COMMD1: variants seen among roughly 807,000 people sequenced by gnomAD.
The protein encoded by COMMD1 is COMM domain-containing protein 1.
In COMMD1, 10 loss-of-function variants were observed where a neutral mutation model predicts 17.2. That is an observed-to-expected ratio of 0.58 (90% CI 0.36 to 0.99). COMMD1 has a LOEUF of 0.99. Among genes scored for constraint, COMMD1 ranks in the 50% least tolerant of loss-of-function variants. The pLI is 0.01. For missense variants in COMMD1, 270 were observed against 231.8 expected (o/e 1.17, Z -1.07); for synonymous variants, 97 against 91.6 (o/e 1.06, Z -0.34).
chr2:62,032,761 C>T (rs1283519420), intron 2 of COMMD1, among the ~76,000 whole-genome samples: 2 of 151,842 alleles, frequency 1.3e-5, no homozygotes, highest in Admixed American at 6.6e-5. Flanking sequence ...TTCACTCCTT[C>T]CTTCCTTCAT....
intron 2 of COMMD1, among the ~76,000 whole-genome samples, chr2:62,124,613 C>T (rs1412568838): frequency 2.0e-5 from 3 of 151,966 alleles, no homozygotes; most frequent in African/African-American, 7.2e-5. Context: ...GTAGTGGTAC[C>T]ATCTCAGCTC....
intron 1 of COMMD1, among the ~76,000 whole-genome samples, chr2:61,972,448 G>C (rs761287307): frequency 6.6e-6 from 1 of 152,156 alleles, no homozygotes; most frequent in Non-Finnish European, 1.5e-5. Flanking sequence ...TTATGGGTGA[G>C]TTGTGTGTAA....
At chr2:62,083,167 G>A (rs34130413) in intron 2 of COMMD1, among the ~76,000 whole-genome samples, 21,125 of 152,158 alleles carry the variant, frequency 0.14, 1,590 homozygotes, top group East Asian at 0.21. Context: ...AATGCCTAAC[G>A]TGGGAGGTTT....
intron 1 of COMMD1, among the ~76,000 whole-genome samples, chr2:61,940,873 A>G (rs1670727328): frequency 6.6e-6 from 1 of 150,974 alleles, no homozygotes; most frequent in Admixed American, 6.6e-5. Context: ...ATATATTAGT[A>G]GAGATGGGGT....
At chr2:62,071,438 T>G (rs1232226320) in intron 2 of COMMD1, among the ~76,000 whole-genome samples, 1 of 152,230 alleles carries the variant, frequency 6.6e-6, no homozygotes, top group African/African-American at 2.4e-5. Flanking sequence ...GCCAACTTTT[T>G]ATTTCATCTC....
intron 2 of COMMD1, among the ~76,000 whole-genome samples, chr2:62,039,819 A>G (rs578042804): frequency 1.3e-5 from 2 of 152,374 alleles, no homozygotes; most frequent in Admixed American, 1.3e-4. Context: ...CTTAGAACCA[A>G]GAATTCCATA....
At chr2:62,065,635 T>C (rs1671017648) in intron 2 of COMMD1, among the ~76,000 whole-genome samples, 1 of 152,162 alleles carries the variant, frequency 6.6e-6, no homozygotes, top group Non-Finnish European at 1.5e-5. Flanking sequence ...ATATACTTAC[T>C]TTAAAGGTAA....
chr2:61,949,144 C>G (rs1053795909), intron 1 of COMMD1, among the ~76,000 whole-genome samples: 5 of 152,154 alleles, frequency 3.3e-5, no homozygotes, highest in Non-Finnish European at 7.3e-5. Flanking sequence ...CATTGAAGTT[C>G]TAAATTATGC....
At chr2:61,906,746 GAAAAA>G (rs894194486) in intron 1 of COMMD1, among the ~76,000 whole-genome samples, 2 of 149,392 alleles carry the variant, frequency 1.3e-5, no homozygotes, top group African/African-American at 4.9e-5. Flanking sequence ...TTTGTTTCTT[GAAAAA>G]AAAACCTTAT....
chr2:62,071,191 G>T (rs561074913), intron 2 of COMMD1, among the ~76,000 whole-genome samples: 1 of 152,290 alleles, frequency 6.6e-6, no homozygotes, highest in East Asian at 1.9e-4. Flanking sequence ...GGAACTGAGG[G>T]TTCCTCCCCC....
At chr2:61,944,678 C>T (rs1294215440) in intron 1 of COMMD1, among the ~76,000 whole-genome samples, 2 of 152,150 alleles carry the variant, frequency 1.3e-5, no homozygotes, top group Non-Finnish European at 2.9e-5. Flanking sequence ...AAGTCAGAGT[C>T]AGGTAGTGCA....
upstream of COMMD1, among the ~76,000 whole-genome samples, chr2:61,902,248 C>G (rs1020851785): frequency 1.2e-4 from 18 of 151,926 alleles, no homozygotes; most frequent in African/African-American, 4.4e-4. Flanking sequence ...TGGCTCACGC[C>G]TGTAATCCCA....
chr2:61,941,947 A>G (rs1191889025), intron 1 of COMMD1, among the ~76,000 whole-genome samples: 1 of 152,144 alleles, frequency 6.6e-6, no homozygotes, highest in Non-Finnish European at 1.5e-5. Context: ...CTTGGTAACC[A>G]CAGGCCTCAG....
chr2:61,923,042 TCTAGC>T (rs2105196180), intron 1 of COMMD1, among the ~76,000 whole-genome samples: 1 of 152,348 alleles, frequency 6.6e-6, no homozygotes, highest in Admixed American at 6.5e-5. Flanking sequence ...TTTCAAGATA[TCTAGC>T]CTCAAGAGAT....
upstream of COMMD1, among the ~76,000 whole-genome samples, chr2:61,902,488 C>T (rs1243685278): frequency 6.6e-6 from 1 of 150,758 alleles, no homozygotes; most frequent in Admixed American, 6.6e-5. Flanking sequence ...CCAGCCTGGG[C>T]GACAAGAGCG....
At chr2:62,013,319 A>T (rs1370870357) in intron 2 of COMMD1, among the ~76,000 whole-genome samples, 1 of 152,214 alleles carries the variant, frequency 6.6e-6, no homozygotes, top group Non-Finnish European at 1.5e-5. Flanking sequence ...TCTTAATAAG[A>T]TGAGGTATTC....
intron 2 of COMMD1, among the ~76,000 whole-genome samples, chr2:62,120,693 A>G (rs1452964497): frequency 3.3e-5 from 5 of 151,986 alleles, no homozygotes; most frequent in African/African-American, 9.7e-5. Context: ...CTTTCAGTCA[A>G]AGTTTTTCAA....
At chr2:62,023,025 G>A (rs188959700) in intron 2 of COMMD1, among the ~76,000 whole-genome samples, 8 of 152,232 alleles carry the variant, frequency 5.3e-5, no homozygotes, top group South Asian at 2.1e-4. Flanking sequence ...TCAGGAGTTC[G>A]AGACCAGCCT....
Position 62,072,999 on chromosome 2 carries a change from G to A in COMMD1, c.463-62832G>A, listed in dbSNP as rs545870995. 6.6e-5 allele frequency among the ~76,000 whole-genome samples: 10 copies of A among 152,368 alleles called. 3 individuals carry two copies. Among genetic ancestry groups the A allele is most frequent in the African/African-American group, 2.4e-4 (10 of 41,590 alleles). On this transcript the variant is annotated intron_variant, in intron 2 of 2. Coordinates refer to ENST00000311832, the MANE Select transcript of COMMD1 (RefSeq NM_152516.4). ...CTAGCTGAGTGCAGTCCGCCAGGCCGAGTGGGGAAAGCAAGCCCAGTGGTA... is the reference window on the plus strand; with the variant it reads ...CTAGCTGAGTGCAGTCCGCCAGGCCAAGTGGGGAAAGCAAGCCCAGTGGTA...
Sources: gnomAD v4.1 joint callset for allele counts (sites outside exome capture counted in the v4.1 genomes callset) on GRCh38, gnomAD v4.1.1 for gene constraint, MANE v1.5 for transcripts, NCBI Gene and HGNC (gene_info 2026-07-23, HGNC 2026-07-21) for gene names.